The following ERAP1 variants were observed in gnomAD, a reference collection of about 807,000 sequenced individuals.
ERAP1 encodes adipocyte-derived leucine aminopeptidase.
ERAP1 carries 86 observed loss-of-function variants against 103.7 expected under a neutral mutation model. That is an observed-to-expected ratio of 0.83 (90% CI 0.70 to 0.99). The LOEUF is 0.99. Among genes scored for constraint, ERAP1 ranks in the 50% least tolerant of loss-of-function variants. The pLI is 0.00. For synonymous variants in ERAP1, 398 were observed against 402.4 expected, an observed-to-expected ratio of 0.99 and a Z score of 0.13; for missense variants, 1,009 against 1,128.4, an observed-to-expected ratio of 0.89 and a Z score of 1.52.
the ERAP1 span, among the ~76,000 whole-genome samples, chr5:96,844,536 T>C: frequency 6.6e-6 from 1 of 152,232 alleles, no homozygotes; most frequent in African/African-American, 2.4e-5. Context: ...CGTTAATGAA[T>C]TAACATTTTA....
At chr5:96,901,644 T>G in the ERAP1 span, 1 of 1,614,060 alleles carries the variant, frequency 6.2e-7, no homozygotes, top group Non-Finnish European at 8.5e-7. Context: ...CCAGGGGGTT[T>G]TCCAGGAAGA....
At chr5:96,904,839 T>C in the ERAP1 span, among the ~76,000 whole-genome samples, 1 of 152,212 alleles carries the variant, frequency 6.6e-6, no homozygotes, top group Non-Finnish European at 1.5e-5. Flanking sequence ...CAGTTATTGA[T>C]GCATTGGTGG....
upstream of ERAP1, among the ~76,000 whole-genome samples, chr5:96,810,848 C>T (rs560779524): frequency 1.3e-4 from 20 of 152,310 alleles, no homozygotes; most frequent in Admixed American, 7.8e-4. Context: ...TTAATGTCAG[C>T]GTTTGGCTCA....
the ERAP1 span, among the ~76,000 whole-genome samples, chr5:96,888,265 A>C: frequency 2.0e-5 from 3 of 152,214 alleles, no homozygotes; most frequent in East Asian, 5.8e-4. Context: ...ACATCATGGC[A>C]CCTCTGCACT....
At chr5:96,916,631 T>A in the ERAP1 span, among the ~76,000 whole-genome samples, 1 of 151,494 alleles carries the variant, frequency 6.6e-6, no homozygotes, top group East Asian at 1.9e-4. Flanking sequence ...GCCCACCTAA[T>A]TTTTTTGTAT....
At chr5:96,889,101 C>T in the ERAP1 span, 9 of 1,511,760 alleles carry the variant, frequency 6.0e-6, no homozygotes, top group African/African-American at 1.1e-4. Flanking sequence ...ATACAGTCTG[C>T]CTTTCTGTGT....
At position 96,783,965 on chromosome 5, in the gene ERAP1, T is replaced by A; in HGVS notation, c.2059A>T (p.Met687Leu). The A allele has an allele frequency of 6.2e-7, 1 of 1,613,920 alleles. No individual in the cohort carries two copies. Among genetic ancestry groups the A allele is most frequent in the Non-Finnish European group, 8.5e-7 (1 of 1,179,910 alleles). The change falls in exon 14 of 19, where the codon ATG becomes TTG. Residue 687 changes from methionine (M) to leucine (L), a missense_variant. Transcript: ENST00000443439. Reference protein sequence around the residue: ...LNELIPMYKLMEKRDMNEVET... With the variant: ...LNELIPMYKLLEKRDMNEVET... ...ACTTCATTCATATCTCTTTTCTCCA[T>A]TAACTTATACATAGGAATCAGCTCA...
chr5:96,934,072 C>T, the ERAP1 span: 4 of 152,244 alleles, frequency 2.6e-5, no homozygotes, highest in East Asian at 1.9e-4. Context: ...ACTCTAAACA[C>T]CACTATGTCC....
chr5:96,781,966 C>G, intron 15 of ERAP1, 112 bp from the exon 16 acceptor site: 1 of 1,043,932 alleles, frequency 9.6e-7, no homozygotes, highest in East Asian at 2.5e-5. Flanking sequence ...GAGAAGCATG[C>G]CTGGAAATAT....
At chr5:96,806,595 C>G (rs761378287) in intron 1 of ERAP1, among the ~76,000 whole-genome samples, 11 of 150,562 alleles carry the variant, frequency 7.3e-5, no homozygotes, top group Non-Finnish European at 1.3e-4. Context: ...TATAAACTCC[C>G]TGCTTTTTCA....
intron 10 of ERAP1, among the ~76,000 whole-genome samples, chr5:96,789,996 T>C (rs1435157806): frequency 6.6e-6 from 1 of 152,254 alleles, no homozygotes; most frequent in Non-Finnish European, 1.5e-5. Flanking sequence ...TTTTGACTGC[T>C]ACAATGCAGC....
chr5:96,844,777 C>G, the ERAP1 span, among the ~76,000 whole-genome samples: 1 of 152,240 alleles, frequency 6.6e-6, no homozygotes, highest in Non-Finnish European at 1.5e-5. Context: ...AGCATGGCTT[C>G]TGGCACTCTC....
At chr5:96,799,683 G>C (rs900434594) in intron 3 of ERAP1, among the ~76,000 whole-genome samples, 2 of 152,174 alleles carry the variant, frequency 1.3e-5, no homozygotes, top group East Asian at 3.9e-4. Flanking sequence ...TTCTGTCCCA[G>C]GGAGTAATAC....
the ERAP1 span, chr5:96,896,969 T>A: frequency 3.3e-6 from 3 of 916,584 alleles, no homozygotes; most frequent in Non-Finnish European, 4.6e-6. Flanking sequence ...ACCATATTTA[T>A]TCTGCTTGCT....
At chr5:96,895,388 A>G in the ERAP1 span, 4 of 1,368,648 alleles carry the variant, frequency 2.9e-6, no homozygotes, top group African/African-American at 1.4e-5. Flanking sequence ...GTATCATACT[A>G]TATGGTGTAA....
chr5:96,896,930 G>T, the ERAP1 span: 1 of 1,456,706 alleles, frequency 6.9e-7, no homozygotes, highest in Non-Finnish European at 9.1e-7. Flanking sequence ...AATTGTGAAT[G>T]TTTATAAATA....
At chr5:96,813,099 C>G (rs550851732), upstream of ERAP1, among the ~76,000 whole-genome samples, 23 of 152,246 alleles carry the variant, frequency 1.5e-4, no homozygotes, top group South Asian at 4.8e-3. Context: ...CCCTTGGCTA[C>G]CCTGGTGCTT....
the ERAP1 span, chr5:96,881,473 T>G: frequency 2.2e-6 from 1 of 456,242 alleles, no homozygotes; most frequent in Admixed American, 2.3e-5. Flanking sequence ...CCAGGATCCA[T>G]CTGGGAGGTA....
the ERAP1 span, among the ~76,000 whole-genome samples, chr5:96,854,645 T>C: frequency 6.6e-6 from 1 of 152,144 alleles, no homozygotes; most frequent in Non-Finnish European, 1.5e-5. Context: ...CCAATACAGG[T>C]TTGAAATCAA....
Sources: allele counts gnomAD v4.1 joint callset (sites outside exome capture counted in the v4.1 genomes callset), GRCh38; gene constraint gnomAD v4.1.1; transcripts MANE v1.5; gene names NCBI Gene and HGNC (gene_info 2026-07-23, HGNC 2026-07-21).